Variants in LDLRAD3 observed in about 807,000 individuals in gnomAD.
LDLRAD3 encodes the protein low density lipoprotein receptor class A domain containing 3.
A neutral mutation model predicts 29.4 loss-of-function variants in LDLRAD3; 20 were observed. That is an observed-to-expected ratio of 0.68 (90% CI 0.48 to 0.99). LDLRAD3 has a LOEUF of 0.99. Among genes scored for constraint, LDLRAD3 ranks in the 50% least tolerant of loss-of-function variants. The pLI, the probability that LDLRAD3 is intolerant of heterozygous loss-of-function variation, is 0.00. For synonymous variants in LDLRAD3, 157 were observed against 192.7 expected, an observed-to-expected ratio of 0.81 and a Z score of 1.53; for missense variants, 420 against 454.3, an observed-to-expected ratio of 0.92 and a Z score of 0.69.
intron 3 of LDLRAD3, among the ~76,000 whole-genome samples, chr11:36,091,126 A>G (rs1483091088): frequency 1.3e-5 from 2 of 152,084 alleles, no homozygotes; most frequent in Non-Finnish European, 2.9e-5. Flanking sequence ...TTTCCAGGGA[A>G]ATTGGGGCTG....
At chr11:36,110,697 A>G (rs576977742) in intron 4 of LDLRAD3, among the ~76,000 whole-genome samples, 47 of 152,356 alleles carry the variant, frequency 3.1e-4, no homozygotes, top group African/African-American at 1.1e-3. Flanking sequence ...CAGGTACTGG[A>G]AGAAATACAA....
chr11:36,160,193 A>G (rs1854418547), intron 4 of LDLRAD3, among the ~76,000 whole-genome samples: 1 of 152,086 alleles, frequency 6.6e-6, no homozygotes, highest in Admixed American at 6.5e-5. Flanking sequence ...AGTGAACGTG[A>G]TAAAATTCCA....
intron 1 of LDLRAD3, among the ~76,000 whole-genome samples, chr11:36,024,341 C>CATATCTATATCT (rs35376090): frequency 5.3e-5 from 8 of 151,140 alleles, no homozygotes; most frequent in South Asian, 4.2e-4. Context: ...TAGCTATATC[C>CATATCTATATCT]ATATCTATAT....
chr11:36,133,531 G>A (rs1307649853), intron 4 of LDLRAD3, among the ~76,000 whole-genome samples: 6 of 138,494 alleles, frequency 4.3e-5, no homozygotes, highest in Admixed American at 2.9e-4. Context: ...GCCCAAGTCC[G>A]TTTTCTTTTT....
chr11:36,066,685 G>T (rs1169406737), intron 2 of LDLRAD3, among the ~76,000 whole-genome samples: 1 of 152,022 alleles, frequency 6.6e-6, no homozygotes, highest in Non-Finnish European at 1.5e-5. Flanking sequence ...GTACTTTAAA[G>T]GTCGATGATA....
intron 4 of LDLRAD3, among the ~76,000 whole-genome samples, chr11:36,107,842 A>G (rs1157062803): frequency 6.6e-6 from 1 of 152,222 alleles, no homozygotes; most frequent in Non-Finnish European, 1.5e-5. Context: ...TAAGCAACGC[A>G]TGACTGTATT....
intron 4 of LDLRAD3, among the ~76,000 whole-genome samples, chr11:36,115,812 G>T (rs532886766): frequency 6.6e-6 from 1 of 152,188 alleles, no homozygotes; most frequent in Non-Finnish European, 1.5e-5. Flanking sequence ...CCTGTGCTAG[G>T]CATGGAGGAT....
intron 4 of LDLRAD3, among the ~76,000 whole-genome samples, chr11:36,210,786 G>T (rs921682785): frequency 3.3e-5 from 5 of 152,218 alleles, no homozygotes; most frequent in African/African-American, 1.2e-4. Flanking sequence ...AACTGTTCAG[G>T]TATTTCATAG....
chr11:36,011,676 G>A (rs1411017660), intron 1 of LDLRAD3, among the ~76,000 whole-genome samples: 1 of 152,210 alleles, frequency 6.6e-6, no homozygotes, highest in Non-Finnish European at 1.5e-5. Flanking sequence ...TGGGGACATA[G>A]CAGAGGTCAG....
intron 4 of LDLRAD3, among the ~76,000 whole-genome samples, chr11:36,132,309 C>T (rs1210646579): frequency 6.6e-6 from 1 of 152,078 alleles, no homozygotes; most frequent in Non-Finnish European, 1.5e-5. Context: ...CTCAATAACC[C>T]GTTTTTGTGT....
chr11:36,056,576 G>A (rs996337517), intron 2 of LDLRAD3, among the ~76,000 whole-genome samples: 2 of 152,164 alleles, frequency 1.3e-5, no homozygotes, highest in Non-Finnish European at 2.9e-5. Context: ...CTGTATGGAG[G>A]AGGTTTTCAG....
intron 1 of LDLRAD3, chr11:35,967,666 G>T (rs578012148): frequency 3.0e-5 from 14 of 473,544 alleles, no homozygotes; most frequent in East Asian, 2.4e-4. Flanking sequence ...TGTGACAAAG[G>T]AAGGTTTTAC....
chr11:36,195,597 G>C (rs758427140), intron 4 of LDLRAD3, among the ~76,000 whole-genome samples: 8 of 152,184 alleles, frequency 5.3e-5, no homozygotes, highest in Non-Finnish European at 1.0e-4. Context: ...AAAATAGGGA[G>C]AAAGGACTCA....
chr11:36,223,703 G>A (rs1855460201), intron 4 of LDLRAD3, among the ~76,000 whole-genome samples: 1 of 151,838 alleles, frequency 6.6e-6, no homozygotes, highest in Non-Finnish European at 1.5e-5. Flanking sequence ...GGGCAACAGA[G>A]TGATACCTTG....
chr11:36,229,477 T>TAA lies in LDLRAD3; in HGVS notation c.*80_*81insAA. Reference sequence around the variant, plus strand: ...CTAACAATTTGTGCTCATGGGAAGCTCTTTAAGCACCTGTAAGGGTGTCTC... The same window carrying TAA: ...CTAACAATTTGTGCTCATGGGAAGCTAACTTTAAGCACCTGTAAGGGTGTCTC... On this transcript the variant is annotated 3_prime_UTR_variant, in exon 6 of 6. Coordinates refer to ENST00000315571, the MANE Select transcript of LDLRAD3 (RefSeq NM_174902.4). 1 of 1,022,576 alleles carries TAA rather than the reference T, an allele frequency of 9.8e-7. No homozygotes were observed. Among genetic ancestry groups the TAA allele is most frequent in the Non-Finnish European group, 1.5e-6 (1 of 672,974 alleles). 63.3% of individuals were successfully genotyped at this position (1,022,576 alleles called of 1,614,324 possible).
intron 1 of LDLRAD3, among the ~76,000 whole-genome samples, chr11:36,018,844 CT>C (rs1432825321): frequency 6.6e-6 from 1 of 152,182 alleles, no homozygotes; most frequent in African/African-American, 2.4e-5. Context: ...GGCTGTGCAT[CT>C]TTTCATTTAT....
intron 2 of LDLRAD3, among the ~76,000 whole-genome samples, chr11:36,060,357 A>G (rs1353265210): frequency 8.6e-5 from 13 of 151,154 alleles, no homozygotes; most frequent in African/African-American, 3.1e-4. Flanking sequence ...CTGTCTCAAA[A>G]AAAAAAAAAA....
intron 4 of LDLRAD3, among the ~76,000 whole-genome samples, chr11:36,198,602 A>C (rs1405170771): frequency 6.6e-6 from 1 of 152,174 alleles, no homozygotes; most frequent in African/African-American, 2.4e-5. Flanking sequence ...TGCATGAAGC[A>C]GGGTGGTTCT....
intron 4 of LDLRAD3, among the ~76,000 whole-genome samples, chr11:36,173,977 C>T (rs189840844): frequency 1.4e-3 from 214 of 152,186 alleles, no homozygotes; most frequent in Non-Finnish European, 2.7e-3. Flanking sequence ...TACAAGGCTA[C>T]AGTAACCAAA....
Sources: allele counts gnomAD v4.1 joint callset (sites outside exome capture counted in the v4.1 genomes callset), GRCh38; gene constraint gnomAD v4.1.1; transcripts MANE v1.5; gene names NCBI Gene and HGNC (gene_info 2026-07-23, HGNC 2026-07-21).